MICAL2: variants seen among roughly 807,000 people sequenced by gnomAD.
The protein encoded by MICAL2 is [F-actin]-monooxygenase MICAL2.
MICAL2 carries 77 observed loss-of-function variants against 127.3 expected under a neutral mutation model. The ratio of observed to expected loss-of-function variants is 0.60; its 90% confidence interval spans 0.50 to 0.73. The LOEUF is 0.73. Among genes scored for constraint, MICAL2 ranks in the 30% least tolerant of loss-of-function variants. The probability of loss-of-function intolerance (pLI) is 0.00; values close to 1 mark genes in which losing one functional copy is unlikely to be tolerated. For synonymous variants in MICAL2, 570 were observed against 551.1 expected, an observed-to-expected ratio of 1.03 and a Z score of -0.48; for missense variants, 1,351 against 1,434.4, an observed-to-expected ratio of 0.94 and a Z score of 0.94.
At chr11:12,184,295 G>A (rs1026611716) in intron 3 of MICAL2, among the ~76,000 whole-genome samples, 1 of 152,240 alleles carries the variant, frequency 6.6e-6, no homozygotes, top group Non-Finnish European at 1.5e-5. Flanking sequence ...CTGAGCGGAA[G>A]CTCTCTATCT....
chr11:12,125,534 G>A (rs1294440964), intron 1 of MICAL2, among the ~76,000 whole-genome samples: 8 of 151,044 alleles, frequency 5.3e-5, no homozygotes, highest in African/African-American at 1.2e-4. Context: ...GATTACAGGC[G>A]TGAGCCACCG....
intron 3 of MICAL2, among the ~76,000 whole-genome samples, chr11:12,182,139 A>T (rs1857554532): frequency 6.6e-6 from 1 of 152,236 alleles, no homozygotes; most frequent in African/African-American, 2.4e-5. Context: ...GTTACTTACT[A>T]TTAGCTATGC....
At chr11:12,267,248 C>T (rs1863618662), downstream of MICAL2, among the ~76,000 whole-genome samples, 1 of 152,200 alleles carries the variant, frequency 6.6e-6, no homozygotes, top group Non-Finnish European at 1.5e-5. Flanking sequence ...GCCCAGCTGC[C>T]CGCTTGCTCC....
chr11:12,190,337 G>A (rs1173712544), intron 3 of MICAL2, among the ~76,000 whole-genome samples: 1 of 152,152 alleles, frequency 6.6e-6, no homozygotes, highest in East Asian at 1.9e-4. Context: ...CTGTGGGTTG[G>A]ATATCAGATG....
At chr11:12,111,966 G>A (rs758161439) in intron 1 of MICAL2, among the ~76,000 whole-genome samples, 24 of 152,212 alleles carry the variant, frequency 1.6e-4, no homozygotes, top group Non-Finnish European at 3.4e-4. Flanking sequence ...GAGAGAAGAC[G>A]GACTTATTAA....
chr11:12,194,309 G>A (rs980945223), intron 3 of MICAL2, among the ~76,000 whole-genome samples: 44 of 152,246 alleles, frequency 2.9e-4, no homozygotes, highest in African/African-American at 1.0e-3. Context: ...AGCTACAGCT[G>A]TAAGACATGG....
chr11:12,292,614 G>A (rs879138883), downstream of MICAL2, among the ~76,000 whole-genome samples: 2 of 152,202 alleles, frequency 1.3e-5, no homozygotes, highest in African/African-American at 4.8e-5. Context: ...AACTTGCAAA[G>A]GGCATTGAGG....
At chr11:12,179,245 T>C (rs959852682) in intron 3 of MICAL2, among the ~76,000 whole-genome samples, 1 of 152,128 alleles carries the variant, frequency 6.6e-6, no homozygotes, top group Non-Finnish European at 1.5e-5. Context: ...GCTCCTCCCC[T>C]AGTTCTCAGC....
intron 32 of MICAL2, among the ~76,000 whole-genome samples, chr11:12,349,268 T>G (rs1218674799): frequency 6.6e-6 from 1 of 152,184 alleles, no homozygotes; most frequent in East Asian, 1.9e-4. Flanking sequence ...GGATATAACT[T>G]TTCCCCCATG....
chr11:12,243,926 A>G (rs1025145912), intron 20 of MICAL2, 61 bp from the exon 21 acceptor site: 2 of 1,588,856 alleles, frequency 1.3e-6, no homozygotes, highest in African/African-American at 2.7e-5. Context: ...TGATTGAGGC[A>G]TGTATCACCA....
At chr11:12,162,022 TC>T in intron 2 of MICAL2, 56 bp from the exon 3 acceptor site, 2 of 1,208,292 alleles carry the variant, frequency 1.7e-6, no homozygotes, top group South Asian at 1.5e-5. Flanking sequence ...TCAGCACCCA[TC>T]CCCCACCCTA....
chr11:12,156,920 C>G (rs2133768584), intron 2 of MICAL2, among the ~76,000 whole-genome samples: 1 of 152,366 alleles, frequency 6.6e-6, no homozygotes, highest in South Asian at 2.1e-4. Flanking sequence ...GCCAAGGAAC[C>G]TGGGCCTTCC....
chr11:12,310,515 T>C (rs1353057419), intron 29 of MICAL2, among the ~76,000 whole-genome samples: 2 of 152,236 alleles, frequency 1.3e-5, no homozygotes, highest in African/African-American at 4.8e-5. Flanking sequence ...GGGTTCTCTA[T>C]TCTGTTCCAT....
chr11:12,129,388 T>C lies in MICAL2; in HGVS notation c.-148-9002T>C, dbSNP rs527772108. ...GTGCGGTTACTGGGTACTGTCCCCA[T>C]TGAACAGGTCAGGAGACTGAGGCTC... On this transcript the variant is annotated intron_variant, in intron 1 of 27. Coordinates refer to ENST00000683283, the MANE Select transcript of MICAL2 (RefSeq NM_001282663.2). 3.9e-5 allele frequency among the ~76,000 whole-genome samples: 6 copies of C among 152,352 alleles called. No individual in the cohort carries two copies. In the East Asian group the frequency reaches 5.8e-4, roughly 15 times the overall value.
intron 32 of MICAL2, among the ~76,000 whole-genome samples, chr11:12,336,566 T>C: frequency 6.6e-6 from 1 of 152,188 alleles, no homozygotes; most frequent in Non-Finnish European, 1.5e-5. Flanking sequence ...TTTTGTCCAT[T>C]CAGTATGATA....
chr11:12,347,281 TG>T (rs1938970578), intron 32 of MICAL2, among the ~76,000 whole-genome samples: 1 of 152,356 alleles, frequency 6.6e-6, no homozygotes, highest in African/African-American at 2.4e-5. Context: ...CAGTGCTTTT[TG>T]TTGCTTTATT....
intron 32 of MICAL2, among the ~76,000 whole-genome samples, chr11:12,331,747 C>A (rs1274621303): frequency 6.6e-6 from 1 of 152,174 alleles, no homozygotes; most frequent in Non-Finnish European, 1.5e-5. Flanking sequence ...ATACCAACCT[C>A]ACAGAGGTGG....
At chr11:12,169,683 A>G (rs1019783919) in intron 3 of MICAL2, among the ~76,000 whole-genome samples, 5 of 152,194 alleles carry the variant, frequency 3.3e-5, no homozygotes, top group African/African-American at 4.8e-5. Context: ...CACACCGTCT[A>G]TAGCACAATT....
intron 1 of MICAL2, among the ~76,000 whole-genome samples, chr11:12,128,460 G>A (rs1000131079): frequency 9.2e-5 from 14 of 152,242 alleles, no homozygotes; most frequent in African/African-American, 3.4e-4. Flanking sequence ...AAATGGCAGA[G>A]CTGGGATTAA....
Sources: allele counts gnomAD v4.1 joint callset (sites outside exome capture counted in the v4.1 genomes callset), GRCh38; gene constraint gnomAD v4.1.1; transcripts MANE v1.5; gene names NCBI Gene and HGNC (gene_info 2026-07-23, HGNC 2026-07-21).